Variants in UBXN7 observed in about 807,000 individuals in gnomAD.
UBXN7 encodes UBX domain-containing protein 7.
A neutral mutation model predicts 58.0 loss-of-function variants in UBXN7; 9 were observed. That is an observed-to-expected ratio of 0.16 (90% CI 0.09 to 0.27). The LOEUF is 0.27. Ranked by LOEUF, UBXN7 falls within the 10% of genes least tolerant of loss-of-function variation. The pLI is 1.00. For missense variants in UBXN7, 328 were observed against 599.6 expected (o/e 0.55, Z 4.73); for synonymous variants, 208 against 205.0 (o/e 1.01, Z -0.12).
At chr3:196,394,392 C>T (rs1293261905) in intron 3 of UBXN7, among the ~76,000 whole-genome samples, 3 of 151,182 alleles carry the variant, frequency 2.0e-5, no homozygotes, top group Admixed American at 6.6e-5. Flanking sequence ...CACCTGAAGT[C>T]GAGTTCAAGA....
chr3:196,381,514 A>C (rs957793066), intron 5 of UBXN7, among the ~76,000 whole-genome samples: 4 of 152,240 alleles, frequency 2.6e-5, no homozygotes, highest in African/African-American at 9.6e-5. Flanking sequence ...AGGTAGATAA[A>C]ACCGCAAAGA....
chr3:196,370,859 A>C (rs1050056134), intron 6 of UBXN7, among the ~76,000 whole-genome samples: 18 of 36,662 alleles, frequency 4.9e-4, no homozygotes, highest in Non-Finnish European at 7.9e-4. Flanking sequence ...CATCTCTACA[A>C]AAAAAAAAAA....
chr3:196,396,304 T>C (rs1177578328), intron 3 of UBXN7, among the ~76,000 whole-genome samples: 1 of 151,702 alleles, frequency 6.6e-6, no homozygotes, highest in African/African-American at 2.4e-5. Context: ...TGTGCGCCTA[T>C]AGTCCCAGCT....
chr3:196,382,216 A>G (rs1729229509), intron 5 of UBXN7, among the ~76,000 whole-genome samples: 2 of 152,228 alleles, frequency 1.3e-5, no homozygotes, highest in Admixed American at 6.5e-5. Flanking sequence ...AAATGAAGGG[A>G]AAAGTGTTAA....
chr3:196,405,045 T>C (rs1002274448), intron 2 of UBXN7, among the ~76,000 whole-genome samples: 1 of 152,122 alleles, frequency 6.6e-6, no homozygotes, highest in African/African-American at 2.4e-5. Context: ...TCCCAGCTAC[T>C]TGAGGCGCCG....
At chr3:196,372,426 C>T (rs1728870475) in intron 5 of UBXN7, among the ~76,000 whole-genome samples, 1 of 151,102 alleles carries the variant, frequency 6.6e-6, no homozygotes, top group South Asian at 2.1e-4. Flanking sequence ...ACTGCAACCT[C>T]CACCTCCTGA....
At chr3:196,364,649 T>C (rs1300026585) in intron 8 of UBXN7, among the ~76,000 whole-genome samples, 1 of 150,638 alleles carries the variant, frequency 6.6e-6, no homozygotes, top group Non-Finnish European at 1.5e-5. Context: ...TGGCTTTTAC[T>C]ATCAGGCAAT....
intron 4 of UBXN7, 131 bp from the exon 5 acceptor site, chr3:196,392,056 A>C: frequency 3.5e-6 from 2 of 570,626 alleles, no homozygotes; most frequent in South Asian, 2.5e-5. Context: ...AAATACAAAG[A>C]TCTAATGTTG....
intron 1 of UBXN7, among the ~76,000 whole-genome samples, chr3:196,429,891 T>C (rs1382979239): frequency 1.3e-5 from 2 of 152,184 alleles, no homozygotes; most frequent in Non-Finnish European, 2.9e-5. Context: ...TCAAGCTACG[T>C]AGACGAACAG....
At chr3:196,400,695 G>A (rs1363922822) in intron 3 of UBXN7, 2 of 351,234 alleles carry the variant, frequency 5.7e-6, no homozygotes, top group Non-Finnish European at 5.5e-6. Context: ...AGCAAGGATT[G>A]TATCACTGCA....
At chr3:196,391,414 T>C (rs1365755404) in intron 5 of UBXN7, among the ~76,000 whole-genome samples, 1 of 152,106 alleles carries the variant, frequency 6.6e-6, no homozygotes, top group East Asian at 1.9e-4. Context: ...TGACAATGGT[T>C]TTTTGTTCTT....
rs1271219913 is a variant in UBXN7, at chr3:196,347,919, G to T, written c.*8766C>A. 7.0e-6 allele frequency: 1 copy of T among 142,650 alleles called. No individual in the cohort carries two copies. Among genetic ancestry groups the T allele is most frequent in the Admixed American group, 7.5e-5 (1 of 13,326 alleles). 8.8% of individuals were successfully genotyped at this position (142,650 alleles called of 1,614,324 possible). A position where few individuals can be genotyped will look rare whatever the true frequency, so the allele number is the denominator to read the frequency against. On this transcript the variant is annotated 3_prime_UTR_variant, in exon 11 of 11. Transcript: ENST00000296328. Reference sequence around the variant, plus strand: ...AGCAACTGGGTACAACACAGCAAGAGTATTCACAATTTGGTACAGACCAAA... The same window carrying T: ...AGCAACTGGGTACAACACAGCAAGATTATTCACAATTTGGTACAGACCAAA...
chr3:196,366,588 A>G (rs1728674045), intron 8 of UBXN7, among the ~76,000 whole-genome samples: 1 of 152,014 alleles, frequency 6.6e-6, no homozygotes, highest in Non-Finnish European at 1.5e-5. Flanking sequence ...TACAATAAAT[A>G]CAATACAATA....
At chr3:196,424,722 T>C (rs1730794218) in intron 1 of UBXN7, among the ~76,000 whole-genome samples, 2 of 113,730 alleles carry the variant, frequency 1.8e-5, no homozygotes, top group South Asian at 6.0e-4. Context: ...TTTTTTTTTT[T>C]GAGACAGAGT....
intron 5 of UBXN7, among the ~76,000 whole-genome samples, chr3:196,376,221 T>C (rs1171228557): frequency 1.3e-5 from 2 of 152,066 alleles, no homozygotes; most frequent in Non-Finnish European, 2.9e-5. Context: ...TAAAACTAAA[T>C]GTAAACAATA....
Position 196,415,279 on chromosome 3 carries a change from G to A in UBXN7, c.74-7886C>T, listed in dbSNP as rs1049042588. Among the ~76,000 whole-genome samples, 13 of 149,550 alleles carry A rather than the reference G, an allele frequency of 8.7e-5. No homozygotes were observed. In the South Asian group the frequency reaches 1.3e-3, roughly 15 times the overall value. On this transcript the variant is annotated intron_variant, in intron 1 of 10. Transcript: ENST00000296328. ...AGTGATTCTCCCGCCTCAGCCTCCCGAGGAGCTGGGACAATAGGCGCACGC... is the reference window on the plus strand; with the variant it reads ...AGTGATTCTCCCGCCTCAGCCTCCCAAGGAGCTGGGACAATAGGCGCACGC...
At chr3:196,418,478 C>G (rs950851878) in intron 1 of UBXN7, among the ~76,000 whole-genome samples, 1 of 152,160 alleles carries the variant, frequency 6.6e-6, no homozygotes, top group African/African-American at 2.4e-5. Context: ...ACATGTGTCT[C>G]ATTCAAGTTG....
intron 1 of UBXN7, among the ~76,000 whole-genome samples, chr3:196,415,294 T>A (rs1442525145): frequency 6.7e-6 from 1 of 150,326 alleles, no homozygotes; most frequent in Non-Finnish European, 1.5e-5. Flanking sequence ...GCTGGGACAA[T>A]AGGCGCACGC....
At chr3:196,362,868 T>C (rs1490641031) in intron 8 of UBXN7, among the ~76,000 whole-genome samples, 181 bp from the exon 9 acceptor site, 1 of 152,146 alleles carries the variant, frequency 6.6e-6, no homozygotes, top group Non-Finnish European at 1.5e-5. Flanking sequence ...TATATATATG[T>C]GTGTGTATAT....
Sources: allele counts gnomAD v4.1 joint callset (sites outside exome capture counted in the v4.1 genomes callset), GRCh38; gene constraint gnomAD v4.1.1; transcripts MANE v1.5; gene names NCBI Gene and HGNC (gene_info 2026-07-23, HGNC 2026-07-21).